The following SUPT3H variants were observed in gnomAD, a reference collection of about 807,000 sequenced individuals.
SUPT3H encodes the protein transcription initiation protein SPT3 homolog.
SUPT3H carries 44 observed loss-of-function variants against 44.3 expected under a neutral mutation model. That is an observed-to-expected ratio of 0.99 (90% CI 0.78 to 1.28). The LOEUF (loss-of-function observed/expected upper bound fraction) is 1.28, where lower values mean the gene tolerates loss of function less well. Among genes scored for constraint, SUPT3H ranks in the 50% most tolerant of loss-of-function variants. The pLI, the probability that SUPT3H is intolerant of heterozygous loss-of-function variation, is 0.00. For missense variants in SUPT3H, 380 were observed against 387.1 expected (o/e 0.98, Z 0.15); for synonymous variants, 124 against 125.6 (o/e 0.99, Z 0.09).
intron 10 of SUPT3H, among the ~76,000 whole-genome samples, chr6:44,856,898 A>G (rs867943577): frequency 2.8e-4 from 42 of 152,344 alleles, no homozygotes; most frequent in African/African-American, 7.5e-4. Context: ...ACAGTTTGAC[A>G]TGGAACTCAT....
intron 2 of SUPT3H, among the ~76,000 whole-genome samples, chr6:45,225,202 C>T (rs778589525): frequency 6.6e-6 from 1 of 151,350 alleles, no homozygotes. Context: ...TCGCTTGAAC[C>T]TCGGAGGTGG....
intron 9 of SUPT3H, among the ~76,000 whole-genome samples, chr6:44,945,193 A>G (rs6901211): frequency 0.022 from 3,346 of 152,240 alleles, 133 homozygotes; most frequent in African/African-American, 0.075. Flanking sequence ...CAAATTTAAT[A>G]AAAGTGTTTG....
At chr6:45,126,133 C>G (rs1802396237) in intron 2 of SUPT3H, among the ~76,000 whole-genome samples, 1 of 152,162 alleles carries the variant, frequency 6.6e-6, no homozygotes, top group Non-Finnish European at 1.5e-5. Context: ...TAACTGAAAA[C>G]TTGCACTAAA....
intron 2 of SUPT3H, among the ~76,000 whole-genome samples, chr6:45,358,792 G>C (rs1449874571): frequency 6.6e-6 from 1 of 152,048 alleles, no homozygotes; most frequent in African/African-American, 2.4e-5. Context: ...GAAGCATTCA[G>C]GAACATGGTG....
intron 5 of SUPT3H, 31 bp downstream of exon 5, chr6:45,014,770 A>G: frequency 6.8e-7 from 1 of 1,472,876 alleles, no homozygotes; most frequent in African/African-American, 1.4e-5. Flanking sequence ...TCATAAGCTC[A>G]TGTTTTAGTT....
chr6:44,939,485 G>T (rs1255260381), intron 9 of SUPT3H, among the ~76,000 whole-genome samples: 1 of 151,910 alleles, frequency 6.6e-6, no homozygotes, highest in Non-Finnish European at 1.5e-5. Flanking sequence ...TGAGGATTTT[G>T]GAGTCTGTGT....
chr6:44,860,831 T>C (rs952749390), intron 10 of SUPT3H, among the ~76,000 whole-genome samples: 5 of 152,212 alleles, frequency 3.3e-5, no homozygotes, highest in African/African-American at 1.2e-4. Flanking sequence ...ATTAATAAGA[T>C]TAATAAGGAT....
At chr6:45,226,584 T>C (rs1766983536) in intron 2 of SUPT3H, among the ~76,000 whole-genome samples, 1 of 152,134 alleles carries the variant, frequency 6.6e-6, no homozygotes, top group Non-Finnish European at 1.5e-5. Context: ...TCTTGCTCTG[T>C]CACCCAGTGC....
chr6:45,065,174 C>A (rs1297381661), intron 3 of SUPT3H, among the ~76,000 whole-genome samples: 3 of 151,868 alleles, frequency 2.0e-5, no homozygotes, highest in Non-Finnish European at 4.4e-5. Context: ...AGCCGCTCAA[C>A]TATATGGAAA....
intron 2 of SUPT3H, among the ~76,000 whole-genome samples, chr6:45,291,129 T>C (rs1246308203): frequency 2.0e-5 from 3 of 152,192 alleles, no homozygotes; most frequent in Non-Finnish European, 4.4e-5. Context: ...CACAGGACTC[T>C]GCAGACAACC....
chr6:45,013,792 C>G (rs1217465132), intron 5 of SUPT3H, among the ~76,000 whole-genome samples: 1 of 151,910 alleles, frequency 6.6e-6, no homozygotes, highest in Non-Finnish European at 1.5e-5. Flanking sequence ...AAATTGTTGC[C>G]CTAGAATAAG....
At chr6:45,341,893 T>C (rs988705716) in intron 2 of SUPT3H, among the ~76,000 whole-genome samples, 1 of 152,158 alleles carries the variant, frequency 6.6e-6, no homozygotes, top group Non-Finnish European at 1.5e-5. Flanking sequence ...ACTAAAAAGA[T>C]GTATGAAGAT....
chr6:45,197,719 G>A (rs1235206201), intron 2 of SUPT3H: 1 of 260,166 alleles, frequency 3.8e-6, no homozygotes. Context: ...GTATTTTTAG[G>A]GCCCACATGT....
intron 2 of SUPT3H, among the ~76,000 whole-genome samples, chr6:45,320,351 C>A (rs4401652): frequency 0.15 from 22,785 of 151,908 alleles, 1,953 homozygotes; most frequent in East Asian, 0.26. Context: ...GCAGCCTGCA[C>A]CTCCTGGGGT....
chr6:44,884,881 C>T (rs372988823), intron 10 of SUPT3H, among the ~76,000 whole-genome samples: 76 of 152,216 alleles, frequency 5.0e-4, no homozygotes, highest in East Asian at 2.1e-3. Context: ...GGGTGACAGA[C>T]GGCACCTCGA....
intron 3 of SUPT3H, 64 bp from the exon 4 acceptor site, chr6:45,020,696 A>G: frequency 8.5e-7 from 1 of 1,175,172 alleles, no homozygotes; most frequent in African/African-American, 1.5e-5. Flanking sequence ...TACAGTCATG[A>G]TGTCTCTAAA....
chr6:44,906,071 G>A (rs535209444), intron 10 of SUPT3H, among the ~76,000 whole-genome samples: 1 of 152,158 alleles, frequency 6.6e-6, no homozygotes, highest in South Asian at 2.1e-4. Context: ...TATACCTAAT[G>A]TTAAATGATG....
chr6:44,839,980 G>A (rs1309371564), intron 10 of SUPT3H, among the ~76,000 whole-genome samples: 1 of 152,200 alleles, frequency 6.6e-6, no homozygotes, highest in Admixed American at 6.5e-5. Flanking sequence ...GATTACAGGC[G>A]TGAGCCACCG....
rs1476344295 is a variant in SUPT3H at position 45,300,713 on chromosome 6, GA to G, written c.101+64487del. On this transcript the variant is annotated intron_variant, in intron 2 of 10. Transcript: ENST00000371459. ...CATTGGGAATATACTTAATGCCACT[GA>G]ATTGTATACTTTAAAATGGTGAAAA... Among the ~76,000 whole-genome samples, 10 of 152,270 alleles carry G rather than the reference GA, an allele frequency of 6.6e-5. 1 individual carries two copies. In the East Asian group the frequency reaches 1.9e-3, roughly 29 times the overall value.
Sources: gnomAD v4.1 joint callset for allele counts (sites outside exome capture counted in the v4.1 genomes callset) on GRCh38, gnomAD v4.1.1 for gene constraint, MANE v1.5 for transcripts, NCBI Gene and HGNC (gene_info 2026-07-23, HGNC 2026-07-21) for gene names.